Variants in FAM163B observed in about 807,000 individuals in gnomAD.
FAM163B encodes family with sequence similarity 163 member B, also known as protein FAM163B.
FAM163B carries 4 observed loss-of-function variants against 7.6 expected under a neutral mutation model. The ratio of observed to expected loss-of-function variants is 0.52; its 90% confidence interval spans 0.26 to 1.20. The LOEUF is 1.20. FAM163B is among the 50% of genes most tolerant of loss of function. FAM163B has a pLI of 0.14. For missense variants in FAM163B, 250 were observed against 243.0 expected (o/e 1.03, Z -0.19); for synonymous variants, 120 against 111.6 (o/e 1.07, Z -0.47).
chr9:133,589,033 T>C (rs1183771917), intron 1 of FAM163B, among the ~76,000 whole-genome samples: 1 of 152,174 alleles, frequency 6.6e-6, no homozygotes, highest in African/African-American at 2.4e-5. Flanking sequence ...TTGACATTGA[T>C]GATTTCAATA....
At position 133,600,274 on chromosome 9, in the gene FAM163B, T is replaced by TAA. The variant is rs1831704176; in HGVS notation, c.-24+8802_-24+8803insTT. ...TGAGTGTGGTCTGTGTGTGTGTGTG[T>TAA]GTGTGTGTGTGTGTGTGTGTGTAGT... On this transcript the variant is annotated intron_variant, in intron 1 of 2. Coordinates refer to ENST00000673969, the MANE Select transcript of FAM163B (RefSeq NM_001080515.3). This position sits in a 1 kb window ranked among gnomAD's most constrained non-coding sequence, Gnocchi z 4.9. Among the ~76,000 whole-genome samples, 2 of 149,440 alleles carry TAA rather than the reference T, an allele frequency of 1.3e-5. No homozygotes were observed. Among genetic ancestry groups the TAA allele is most frequent in the African/African-American group, 5.0e-5 (2 of 40,184 alleles).
At chr9:133,589,527 G>A (rs891191774) in intron 1 of FAM163B, among the ~76,000 whole-genome samples, 1 of 152,158 alleles carries the variant, frequency 6.6e-6, no homozygotes, top group African/African-American at 2.4e-5. Flanking sequence ...TGTAGGGACG[G>A]GGTAAACTCA....
rs2131207987 is a variant in FAM163B at position 133,579,217 on chromosome 9, G to A, written c.306C>T (p.Phe102=). Residue 102 remains phenylalanine (F), a synonymous_variant, in exon 3 of 3, where the codon TTC becomes TTT. Transcript: ENST00000673969. ...RSCSHCEPPT[F]FLQEPPEEEE... ...CCTCCTCCGGCGGCTCCTGCAGGAA[G>A]AAGGTGGGGGGCTCGCAGTGGGAGC... 1 of 1,612,156 alleles carries A rather than the reference G, an allele frequency of 6.2e-7. No individual in the cohort carries two copies. Among genetic ancestry groups the A allele is most frequent in the Admixed American group, 1.7e-5 (1 of 59,990 alleles).
intron 2 of FAM163B, 35 bp from the exon 3 acceptor site, chr9:133,579,464 C>G (rs1220650315): frequency 6.5e-7 from 1 of 1,529,470 alleles, no homozygotes; most frequent in Admixed American, 1.9e-5. Context: ...TGCGGCCGCC[C>G]GCTCCCACCC....
At position 133,600,276 on chromosome 9, in the gene FAM163B, T is replaced by A. The variant is rs199683390; in HGVS notation, c.-24+8801A>T. 0.22 allele frequency among the ~76,000 whole-genome samples: 32,445 copies of A among 149,610 alleles called. 3,814 individuals carry two copies. The highest frequency in any genetic ancestry group is 0.29 in the South Asian group (1,355 of 4,712). On this transcript the variant is annotated intron_variant, in intron 1 of 2. Transcript: ENST00000673969. This position sits in a 1 kb window ranked among gnomAD's most constrained non-coding sequence, Gnocchi z 4.9. ...AGTGTGGTCTGTGTGTGTGTGTGTG[T>A]GTGTGTGTGTGTGTGTGTGTAGTGC... is the stretch of plus-strand genomic sequence containing the variant.
chr9:133,600,476 C>T lies in FAM163B; in HGVS notation c.-24+8601G>A, dbSNP rs1367964774. On this transcript the variant is annotated intron_variant, in intron 1 of 2. Transcript: ENST00000673969. The surrounding 1 kb of genome is among the most constrained non-coding windows in gnomAD (Gnocchi z 4.9). ...TTAGTGGAGCCCAGGTCACCTGGCA[C>T]TTACGAGGGAAGCCCCAGATGGCCC... Among the ~76,000 whole-genome samples, 1 of 152,178 alleles carries T rather than the reference C, an allele frequency of 6.6e-6. No homozygotes were observed. The highest frequency in any genetic ancestry group is 6.5e-5 in the Admixed American group (1 of 15,290).
Position 133,609,313 on chromosome 9 carries a change from G to A in FAM163B, c.-260C>T, listed in dbSNP as rs1430127572. On this transcript the variant is annotated 5_prime_UTR_variant, in exon 1 of 3. Transcript: ENST00000673969. ...CCTGCCAGCTCCGCGCTGCGGCCGC[G>A]ACTCCGGACGCCCCGGCTGGCTCCC... Among the ~76,000 whole-genome samples, 4 of 149,704 alleles carry A rather than the reference G, an allele frequency of 2.7e-5. No individual in the cohort carries two copies. The highest frequency in any genetic ancestry group is 4.5e-5 in the Non-Finnish European group (3 of 67,104).
At chr9:133,591,267 C>T (rs1831548293) in intron 1 of FAM163B, among the ~76,000 whole-genome samples, 1 of 152,240 alleles carries the variant, frequency 6.6e-6, no homozygotes, top group South Asian at 2.1e-4. Context: ...CATCCTGGGT[C>T]CATCACAGCA....
chr9:133,597,849 AAAG>A (rs1189697041), intron 1 of FAM163B, among the ~76,000 whole-genome samples: 5 of 152,176 alleles, frequency 3.3e-5, no homozygotes, highest in African/African-American at 1.2e-4. Context: ...TGCTAAAAAA[AAAG>A]AAGGCCGTCA....
intron 1 of FAM163B, among the ~76,000 whole-genome samples, chr9:133,586,747 G>T (rs1479376339): frequency 6.6e-6 from 1 of 152,230 alleles, no homozygotes; most frequent in African/African-American, 2.4e-5. Context: ...GGGCAGTTGG[G>T]TAGGAGTAAG....
chr9:133,579,181 C>T lies in FAM163B; in HGVS notation c.342G>A (p.Val114=), dbSNP rs1016235727. 28 of 1,611,786 alleles carry T rather than the reference C, an allele frequency of 1.7e-5. No individual in the cohort carries two copies. The highest frequency in any genetic ancestry group is 2.4e-5 in the Non-Finnish European group (28 of 1,179,852). Residue 114 remains valine (V), a synonymous_variant, in exon 3 of 3, where the codon GTG becomes GTA. Transcript: ENST00000673969. ...AGAGCACGCGCTCCCCGCCGTTCAG[C>T]ACGTCCTCTTCCTCCTCCGGCGGCT... The part of the protein sequence containing the change: ...LQEPPEEEED[V]LNGGERVLYK...
chr9:133,599,981 G>A (rs933688714), intron 1 of FAM163B, among the ~76,000 whole-genome samples: 3 of 144,202 alleles, frequency 2.1e-5, no homozygotes, highest in African/African-American at 5.3e-5. Flanking sequence ...GTGTGTCTGT[G>A]TGCATATGCG....
intron 1 of FAM163B, among the ~76,000 whole-genome samples, chr9:133,607,735 G>A (rs912976509): frequency 2.6e-5 from 4 of 152,176 alleles, no homozygotes; most frequent in Admixed American, 6.5e-5. Flanking sequence ...TCATAGCATC[G>A]TGCAGATGCT....
At chr9:133,603,252 C>T (rs554702758) in intron 1 of FAM163B, among the ~76,000 whole-genome samples, 2 of 152,322 alleles carry the variant, frequency 1.3e-5, no homozygotes, top group East Asian at 1.9e-4. Flanking sequence ...TGCACCCAGG[C>T]GCCTCCTCCC....
rs1344911021 is a variant in FAM163B, at chr9:133,579,174, C to T, written c.349G>A (p.Gly117Ser). The T allele has an allele frequency of 3.1e-6, 5 of 1,611,472 alleles. No individual in the cohort carries two copies. Among genetic ancestry groups the T allele is most frequent in the East Asian group, 2.2e-5 (1 of 44,886 alleles). The change falls in exon 3 of 3, where the codon GGC (glycine) becomes AGC (serine). Residue 117 changes from glycine to serine, a missense_variant. Transcript: ENST00000673969. ...PPEEEEDVLN[G>S]GERVLYKSVS... ...CTCTTGTAGAGCACGCGCTCCCCGC[C>T]GTTCAGCACGTCCTCTTCCTCCTCC...
Position 133,606,528 on chromosome 9 carries a change from C to T in FAM163B, c.-24+2549G>A, listed in dbSNP as rs2073882. On this transcript the variant is annotated intron_variant, in intron 1 of 2. Transcript: ENST00000673969. The surrounding 1 kb of genome is among the most constrained non-coding windows in gnomAD (Gnocchi z 4.0). ...TCCAAAAGCCTTTTGGCCAGGCTCA[C>T]GGTTGCCCCGGTGTCCCATGTGCCA... Among the ~76,000 whole-genome samples, 2,998 of 152,326 alleles carry T rather than the reference C, an allele frequency of 0.02. 66 individuals are homozygous for T. The highest frequency in any genetic ancestry group is 0.11 in the East Asian group (556 of 5,178).
At chr9:133,592,618 ACT>A (rs1368486131) in intron 1 of FAM163B, among the ~76,000 whole-genome samples, 1 of 151,918 alleles carries the variant, frequency 6.6e-6, no homozygotes, top group Non-Finnish European at 1.5e-5. Context: ...ACTCGCAGCC[ACT>A]CTCCTTGCCT....
At chr9:133,588,514 C>A (rs1831475123) in intron 1 of FAM163B, among the ~76,000 whole-genome samples, 1 of 1,330 alleles carries the variant, frequency 7.5e-4, no homozygotes, top group Non-Finnish European at 1.0e-3. Context: ...GGTTGGATCC[C>A]AACTCTGGGG....
rs138073209 is a variant in FAM163B at position 133,597,842 on chromosome 9, TA to T, written c.-24+11234del. Among the ~76,000 whole-genome samples the T allele has an allele frequency of 9.3e-3, 1,392 of 149,776 alleles. 25 individuals carry two copies. The highest frequency in any genetic ancestry group is 0.033 in the African/African-American group (1,338 of 40,800). ...CAATGGAGTGGTGCCTTTCGAGTGC[TA>T]AAAAAAAAGAAGGCCGTCAACCTGG... On this transcript the variant is annotated intron_variant, in intron 1 of 2. Transcript: ENST00000673969.
Sources: allele counts gnomAD v4.1 joint callset (sites outside exome capture counted in the v4.1 genomes callset), GRCh38; gene constraint gnomAD v4.1.1; non-coding constraint Gnocchi (gnomAD v3.1); transcripts MANE v1.5; gene names NCBI Gene and HGNC (gene_info 2026-07-23, HGNC 2026-07-21).